The following PTPRG variants were observed in gnomAD, a reference collection of about 807,000 sequenced individuals.
The protein encoded by PTPRG is protein tyrosine phosphatase receptor type G, also known as receptor-type tyrosine-protein phosphatase gamma.
In PTPRG, 102 loss-of-function variants were observed where a neutral mutation model predicts 165.3. That is an observed-to-expected ratio of 0.62 (90% CI 0.53 to 0.73). PTPRG has a LOEUF of 0.73. Among genes scored for constraint, PTPRG ranks in the 30% least tolerant of loss-of-function variants. PTPRG has a pLI of 0.00. For synonymous variants in PTPRG, 675 were observed against 669.5 expected, an observed-to-expected ratio of 1.01 and a Z score of -0.13; for missense variants, 1,866 against 1,861.4, an observed-to-expected ratio of 1.00 and a Z score of -0.05.
intron 2 of PTPRG, among the ~76,000 whole-genome samples, chr3:61,931,965 A>G (rs1267649977): frequency 6.6e-6 from 1 of 152,232 alleles, no homozygotes; most frequent in Admixed American, 6.5e-5. Flanking sequence ...TTCCTTTCTT[A>G]GGAATGGTCA....
rs1047593957 is a variant in PTPRG at position 62,003,204 on chromosome 3, G to A, written c.371-145G>A. On this transcript the variant is annotated intron_variant, in intron 3 of 29. Transcript: ENST00000474889. ...CTAGAATGAACTAATTTATTCAGGC[G>A]GGTGTGTTCAACATATTTTTTCATA... The A allele has an allele frequency of 8.2e-6, 7 of 856,336 alleles. No homozygotes were observed. In the East Asian group the frequency reaches 8.3e-5, roughly 10 times the overall value. 53.0% of individuals were successfully genotyped at this position (856,336 alleles called of 1,614,324 possible). A position where few individuals can be genotyped will look rare whatever the true frequency, so the allele number is the denominator to read the frequency against.
At chr3:62,149,217 T>A (rs982270110) in intron 6 of PTPRG, among the ~76,000 whole-genome samples, 1 of 151,870 alleles carries the variant, frequency 6.6e-6, no homozygotes, top group African/African-American at 2.4e-5. Flanking sequence ...AGTATTTTTG[T>A]TTGTATTTGG....
intron 3 of PTPRG, among the ~76,000 whole-genome samples, chr3:61,990,365 A>G (rs1293982819): frequency 6.6e-6 from 1 of 152,178 alleles, no homozygotes; most frequent in Non-Finnish European, 1.5e-5. Context: ...ATTTTGCTTT[A>G]TTAATATTTT....
At chr3:61,990,703 T>C (rs571305608) in intron 3 of PTPRG, among the ~76,000 whole-genome samples, 3 of 152,322 alleles carry the variant, frequency 2.0e-5, no homozygotes, top group East Asian at 3.9e-4. Context: ...TAACTACTTA[T>C]GACTTTGGCC....
chr3:62,018,497 T>C (rs1160477975), intron 4 of PTPRG, among the ~76,000 whole-genome samples: 1 of 152,288 alleles, frequency 6.6e-6, no homozygotes, highest in East Asian at 1.9e-4. Context: ...ACCACTCTCT[T>C]TCCAGTTGGC....
At chr3:61,595,202 T>G (rs1700672709) in intron 1 of PTPRG, among the ~76,000 whole-genome samples, 1 of 152,132 alleles carries the variant, frequency 6.6e-6, no homozygotes, top group Admixed American at 6.5e-5. Flanking sequence ...TTTTTTTCCT[T>G]TGTACTCTGA....
intron 2 of PTPRG, among the ~76,000 whole-genome samples, chr3:61,781,282 T>C (rs1323564802): frequency 1.3e-5 from 2 of 152,202 alleles, no homozygotes; most frequent in South Asian, 2.1e-4. Context: ...TCACATAAAA[T>C]AGGTTTAGTT....
chr3:61,954,105 TGCC>T (rs2039967127), intron 2 of PTPRG, among the ~76,000 whole-genome samples: 2 of 152,178 alleles, frequency 1.3e-5, no homozygotes, highest in African/African-American at 4.8e-5. Context: ...ATTTTGACGA[TGCC>T]CTGCTTGGTT....
chr3:61,885,659 C>CTCCTG (rs2038009420), intron 2 of PTPRG, among the ~76,000 whole-genome samples: 1 of 24,274 alleles, frequency 4.1e-5, no homozygotes, highest in Non-Finnish European at 1.4e-4. Context: ...TTTTCCTTCT[C>CTCCTG]TCCTCTCCTC....
chr3:61,945,114 T>C (rs2039724533), intron 2 of PTPRG, among the ~76,000 whole-genome samples: 1 of 152,186 alleles, frequency 6.6e-6, no homozygotes, highest in Non-Finnish European at 1.5e-5. Flanking sequence ...AGGTGATCAG[T>C]GACCATTGCA....
chr3:61,957,769 G>A (rs1483034336), intron 2 of PTPRG, among the ~76,000 whole-genome samples: 1 of 152,164 alleles, frequency 6.6e-6, no homozygotes, highest in Non-Finnish European at 1.5e-5. Flanking sequence ...GTTTTCATGC[G>A]ATTCCATTTT....
chr3:61,608,212 G>C (rs1446821873), intron 1 of PTPRG, among the ~76,000 whole-genome samples: 1 of 152,082 alleles, frequency 6.6e-6, no homozygotes, highest in Non-Finnish European at 1.5e-5. Context: ...GTTTTGTACA[G>C]ATATCTGTCC....
rs958438579 is a variant in PTPRG, at chr3:62,081,820, A to G, written c.615+3562A>G. Among the ~76,000 whole-genome samples, 5 of 152,248 alleles carry G rather than the reference A, an allele frequency of 3.3e-5. No individual in the cohort carries two copies. In the East Asian group the frequency reaches 9.6e-4, roughly 29 times the overall value. On this transcript the variant is annotated intron_variant, in intron 5 of 29. Transcript: ENST00000474889. The stretch of plus-strand genomic sequence containing the variant: ...TGAGAGTTTGATATTTCTTCCCAAA[A>G]TAGAGAAATCTTGGTGTATATTTCC...
At chr3:61,585,359 A>G (rs557763653) in intron 1 of PTPRG, among the ~76,000 whole-genome samples, 13 of 152,144 alleles carry the variant, frequency 8.5e-5, no homozygotes, top group Admixed American at 2.0e-4. Flanking sequence ...GAAAATGGCA[A>G]TCTTCTGTAA....
At chr3:61,715,093 A>G (rs2031745761) in intron 1 of PTPRG, among the ~76,000 whole-genome samples, 1 of 152,134 alleles carries the variant, frequency 6.6e-6, no homozygotes, top group Admixed American at 6.5e-5. Flanking sequence ...TGAGTGCTAG[A>G]GGACAGCATA....
intron 7 of PTPRG, among the ~76,000 whole-genome samples, chr3:62,159,241 G>T (rs1165885577): frequency 1.3e-5 from 2 of 151,918 alleles, no homozygotes; most frequent in African/African-American, 2.4e-5. Context: ...TGAGGGGGGA[G>T]GATCACTTGA....
chr3:62,049,439 T>C (rs1354173941), intron 4 of PTPRG, among the ~76,000 whole-genome samples: 3 of 152,222 alleles, frequency 2.0e-5, no homozygotes, highest in African/African-American at 7.2e-5. Context: ...ATTTGAAATA[T>C]TTCATTTGCA....
At chr3:61,575,598 C>CTTTTT (rs34363041) in intron 1 of PTPRG, among the ~76,000 whole-genome samples, 7 of 117,300 alleles carry the variant, frequency 6.0e-5, no homozygotes, top group South Asian at 2.7e-4. Context: ...GCACACAGAA[C>CTTTTT]TTTTTTTTTT....
intron 2 of PTPRG, among the ~76,000 whole-genome samples, chr3:61,844,708 G>A (rs1045491269): frequency 4.7e-5 from 7 of 148,470 alleles, no homozygotes; most frequent in African/African-American, 1.8e-4. Context: ...TTGCTATATT[G>A]AACAGGGTGG....
Sources: allele counts gnomAD v4.1 joint callset (sites outside exome capture counted in the v4.1 genomes callset), GRCh38; gene constraint gnomAD v4.1.1; transcripts MANE v1.5; gene names NCBI Gene and HGNC (gene_info 2026-07-23, HGNC 2026-07-21).